The following ADGRF1 variants were observed in gnomAD, a reference collection of about 807,000 sequenced individuals.
The protein encoded by ADGRF1 is adhesion G protein-coupled receptor F1.
In ADGRF1, 85 loss-of-function variants were observed where a neutral mutation model predicts 87.2. The ratio of observed to expected loss-of-function variants is 0.97; its 90% CI spans 0.82 to 1.17. The LOEUF (loss-of-function observed/expected upper bound fraction) is 1.17. Among genes scored for constraint, ADGRF1 ranks in the 50% most tolerant of loss-of-function variants. ADGRF1 has a pLI of 0.00. For synonymous variants in ADGRF1, 430 were observed against 408.8 expected, an observed-to-expected ratio of 1.05 and a Z score of -0.63; for missense variants, 1,169 against 1,077.2, an observed-to-expected ratio of 1.09 and a Z score of -1.19.
At chr6:47,027,430 C>T (rs930804133) in intron 3 of ADGRF1, among the ~76,000 whole-genome samples, 1 of 152,152 alleles carries the variant, frequency 6.6e-6, no homozygotes, top group Non-Finnish European at 1.5e-5. Flanking sequence ...GGGGCTATGG[C>T]CATTAATTAC....
intron 13 of ADGRF1, among the ~76,000 whole-genome samples, chr6:47,004,710 G>A (rs1779467955): frequency 6.6e-6 from 1 of 152,192 alleles, no homozygotes; most frequent in Non-Finnish European, 1.5e-5. Flanking sequence ...TCTGGTTCGA[G>A]TGATTTTTAG....
intron 9 of ADGRF1, chr6:47,013,704 G>A (rs752412387): frequency 4.5e-5 from 43 of 959,732 alleles, no homozygotes; most frequent in Non-Finnish European, 5.2e-5. Flanking sequence ...ATCTTATGTC[G>A]AGTTATAATT....
At chr6:47,000,713 A>T (rs1052595055) in intron 14 of ADGRF1, among the ~76,000 whole-genome samples, 1 of 152,250 alleles carries the variant, frequency 6.6e-6, no homozygotes, top group Non-Finnish European at 1.5e-5. Context: ...GGACAAGCAC[A>T]TTCTCCAGAC....
Position 47,019,384 on chromosome 6 carries a change from G to A in ADGRF1, c.611+1347C>T, listed in dbSNP as rs551705286. The stretch of plus-strand genomic sequence containing the variant: ...CAACATGTTTATAGCAAATGCTGTT[G>A]AAAATTTCCTATGGGTTGGCCAGAT... On this transcript the variant is annotated intron_variant, in intron 7 of 14. Transcript: ENST00000371253. 2.1e-4 allele frequency: 210 copies of A among 985,184 alleles called. No homozygotes were observed. In the Admixed American group the frequency reaches 2.9e-3, roughly 14 times the overall value. The allele number at this position is 985,184 out of a possible 1,614,324, so 61.0% of individuals were successfully genotyped here.
At chr6:47,030,574 A>ATGTG (rs1491348365) in intron 1 of ADGRF1, among the ~76,000 whole-genome samples, 2 of 99,220 alleles carry the variant, frequency 2.0e-5, no homozygotes, top group African/African-American at 4.0e-5. Flanking sequence ...GATAACATGA[A>ATGTG]TATGTGTGTG....
At chr6:47,029,176 C>A in intron 1 of ADGRF1, 72 bp from the exon 2 acceptor site, 2 of 840,768 alleles carry the variant, frequency 2.4e-6, no homozygotes, top group South Asian at 2.9e-5. Context: ...TAAAAATGCA[C>A]AAAGTGGTAA....
Position 47,003,988 on chromosome 6 carries a change from C to T in ADGRF1, c.2592+1829G>A, listed in dbSNP as rs543291039. ...GGAGCAAATCCCTCCATCTTCAGTC[C>T]GACCAATCCCTCTGTCTTCCCAGGA... On this transcript the variant is annotated intron_variant, in intron 13 of 14. Transcript: ENST00000371253. Among the ~76,000 whole-genome samples the T allele has an allele frequency of 5.9e-5, 9 of 152,230 alleles. No homozygotes were observed. The South Asian group carries it at 1.0e-3, about 18-fold the overall frequency.
At chr6:47,002,744 G>C (rs994137268) in intron 13 of ADGRF1, among the ~76,000 whole-genome samples, 1 of 152,152 alleles carries the variant, frequency 6.6e-6, no homozygotes, top group Non-Finnish European at 1.5e-5. Flanking sequence ...ACCAGAGTCT[G>C]TGACTTGGAG....
In ADGRF1 at chr6:47,025,859, G is replaced by T; in HGVS notation, c.272C>A (p.Thr91Asn). The T allele has an allele frequency of 6.3e-7, 1 of 1,587,158 alleles. No homozygotes were observed. Among genetic ancestry groups the T allele is most frequent in the Non-Finnish European group, 8.6e-7 (1 of 1,162,948 alleles). The change falls in exon 4 of 15, where the codon ACC (threonine) becomes AAC (asparagine). Residue 91 changes from threonine (T) to asparagine (N), a missense_variant. By Grantham distance (65) the Thr-to-Asn change is moderately conservative. Transcript: ENST00000371253. The stretch of plus-strand genomic sequence containing the variant: ...GTCACCGAGAGCCACCTTACCTGTG[G>T]TAGCCTTTGCTCTGATAATTCTAAT... ...GLIRIIRAKATTDCNSLNGVL... is the reference protein window; with the variant it reads ...GLIRIIRAKANTDCNSLNGVL...
chr6:47,014,510 C>G (rs1376847502), intron 9 of ADGRF1, 171 bp downstream of exon 9: 6 of 1,386,020 alleles, frequency 4.3e-6, no homozygotes, highest in Non-Finnish European at 5.6e-6. Context: ...CAGACGCTAC[C>G]ACTCATGCAC....
rs1460814582 is a variant in ADGRF1 at position 47,005,817 on chromosome 6, C to T, written c.2592G>A (p.Lys864=). 6.2e-7 allele frequency: 1 copy of T among 1,608,482 alleles called. No individual in the cohort carries two copies. Among genetic ancestry groups the T allele is most frequent in the Admixed American group, 1.7e-5 (1 of 59,344 alleles). ...ATTCATGGCAGTAGGAGATAATTAC[C>T]TTTTCTGTTTGCTTCCAAGAACTTA... The part of the protein sequence containing the change: ...SALSSWKQTE[K]QNSSDLSAKP... The change falls in exon 13 of 15, where the codon AAG becomes AAA. Residue 864 remains lysine (K), a splice_region_variant and synonymous_variant. Transcript: ENST00000371253.
In ADGRF1 at chr6:46,999,997, T is replaced by C; in HGVS notation, c.*225A>G. The C allele has an allele frequency of 2.2e-6, 1 of 456,816 alleles. No homozygotes were observed. Among genetic ancestry groups the C allele is most frequent in the East Asian group, 3.5e-5 (1 of 28,368 alleles). The allele number at this position is 456,816 out of a possible 1,614,324, so 28.3% of individuals were successfully genotyped here. A position where few individuals can be genotyped will look rare whatever the true frequency, so the allele number is the denominator to read the frequency against. Reference sequence around the variant, plus strand: ...CCAACAAAACCTACTCTTCTGCATTTATGGAGCACTTTCTTTGAATCAAAT... The same window carrying C: ...CCAACAAAACCTACTCTTCTGCATTCATGGAGCACTTTCTTTGAATCAAAT... On this transcript the variant is annotated 3_prime_UTR_variant, in exon 15 of 15. Transcript: ENST00000371253.
intron 11 of ADGRF1, among the ~76,000 whole-genome samples, chr6:47,008,400 T>C (rs972457602): frequency 2.0e-5 from 3 of 152,342 alleles, no homozygotes; most frequent in Admixed American, 6.5e-5. Flanking sequence ...GTAAGCACTT[T>C]AGGCTTTGCG....
intron 9 of ADGRF1, chr6:47,013,526 T>G (rs1779769744): frequency 1.0e-6 from 1 of 985,366 alleles, no homozygotes; most frequent in Non-Finnish European, 1.2e-6. Context: ...GAACAGTATC[T>G]GTGAACTGGT....
chr6:47,024,237 C>G lies in ADGRF1; in HGVS notation c.278-20G>C. 6.3e-7 allele frequency: 1 copy of G among 1,596,578 alleles called. No homozygotes were observed. Among genetic ancestry groups the G allele is most frequent in the Non-Finnish European group, 8.6e-7 (1 of 1,166,994 alleles). On this transcript the variant is annotated intron_variant, in intron 4 of 14. Transcript: ENST00000371253. ...TGCAGTCTGCACAAGAAATAGAACTCAGTCTCATGGATTCTGGTTTATAAA... is the reference window on the plus strand; with the variant it reads ...TGCAGTCTGCACAAGAAATAGAACTGAGTCTCATGGATTCTGGTTTATAAA...
At chr6:47,041,128 A>T (rs754284757) in intron 1 of ADGRF1, among the ~76,000 whole-genome samples, 6 of 152,184 alleles carry the variant, frequency 3.9e-5, no homozygotes, top group Non-Finnish European at 5.9e-5. Flanking sequence ...AAGACAACTA[A>T]ATAATTTGCT....
At chr6:47,004,619 G>C (rs1041909580) in intron 13 of ADGRF1, among the ~76,000 whole-genome samples, 1 of 152,002 alleles carries the variant, frequency 6.6e-6, no homozygotes, top group Non-Finnish European at 1.5e-5. Flanking sequence ...TTCACTAAAG[G>C]TTTTATCTTT....
intron 12 of ADGRF1, 48 bp from the exon 13 acceptor site, chr6:47,005,924 C>G: frequency 7.8e-7 from 1 of 1,276,262 alleles, no homozygotes; most frequent in Non-Finnish European, 1.1e-6. Context: ...TACAATCATA[C>G]ACAGACAAAT....
rs1397629786 is a variant in ADGRF1, at chr6:46,998,048, G to A, written c.*2174C>T. The A allele has an allele frequency of 6.6e-6, 1 of 152,182 alleles. No homozygotes were observed. The highest frequency in any genetic ancestry group is 2.1e-4 in the South Asian group (1 of 4,810). The allele number at this position is 152,182 out of a possible 1,614,324, so 9.4% of individuals were successfully genotyped here. A position where few individuals can be genotyped will look rare whatever the true frequency, so the allele number is the denominator to read the frequency against. ...GTCTTGTGTTGAGTTGCCTACTTGCGCTAGCACATCTTCCCTTGCTGGTTG... is the reference window on the plus strand; with the variant it reads ...GTCTTGTGTTGAGTTGCCTACTTGCACTAGCACATCTTCCCTTGCTGGTTG... On this transcript the variant is annotated 3_prime_UTR_variant, in exon 15 of 15. Coordinates refer to ENST00000371253, the MANE Select transcript of ADGRF1 (RefSeq NM_153840.4).
Sources: allele counts gnomAD v4.1 joint callset (sites outside exome capture counted in the v4.1 genomes callset), GRCh38; gene constraint gnomAD v4.1.1; transcripts MANE v1.5; gene names NCBI Gene and HGNC (gene_info 2026-07-23, HGNC 2026-07-21).